The following RPS8 variants were observed in gnomAD, a reference collection of about 807,000 sequenced individuals.
RPS8 encodes ribosomal protein S8.
For missense variants in RPS8, 141 were observed against 269.7 expected, an observed-to-expected ratio of 0.52 and a Z score of 3.34; for synonymous variants, 100 against 100.7, an observed-to-expected ratio of 0.99 and a Z score of 0.04.
chr1:44,776,942 C>T (rs572840213), intron 3 of RPS8, 168 bp downstream of exon 3: 48 of 541,060 alleles, frequency 8.9e-5, no homozygotes, highest in African/African-American at 8.0e-4. Context: ...GGCAACAGAG[C>T]GAGACTCTCA....
Position 44,777,351 on chromosome 1 carries a change from G to C in RPS8, c.212-263G>C, listed in dbSNP as rs567058465. 3 of 428,602 alleles carry C rather than the reference G, an allele frequency of 7.0e-6. No individual in the cohort carries two copies. The South Asian group carries it at 8.3e-5, about 12-fold the overall frequency. 26.5% of individuals were successfully genotyped at this position (428,602 alleles called of 1,614,324 possible). A position where few individuals can be genotyped will look rare whatever the true frequency, so the allele number is the denominator to read the frequency against. ...CTCCCAAAGTGCTGGGGTTACGGGC[G>C]TGAGTCACCGTGCCCGACCTGCTCT... On this transcript the variant is annotated intron_variant, in intron 3 of 5. Transcript: ENST00000396651.
chr1:44,777,484 C>T, intron 3 of RPS8, 130 bp from the exon 4 acceptor site: 1 of 741,086 alleles, frequency 1.3e-6, no homozygotes, highest in Non-Finnish European at 2.3e-6. Context: ...GAACTGATGC[C>T]CCATGGCTTG....
In RPS8 at chr1:44,778,109, T is replaced by C; in HGVS notation, c.497T>C (p.Phe166Ser). ...ATCAGCAGTCTCCTGGAGGAGCAGT[T>C]CCAGCAGGGCAAGCTTCTTGGTGAG... is the stretch of plus-strand genomic sequence containing the variant. Reference protein sequence around the residue: ...AKISSLLEEQFQQGKLLACIA... With the variant: ...AKISSLLEEQSQQGKLLACIA... The change falls in exon 5 of 6, where the codon TTC becomes TCC. Residue 166 changes from phenylalanine to serine, a missense_variant. Phe to Ser is a radical substitution (Grantham distance 155). Transcript: ENST00000396651. 6.3e-7 allele frequency: 1 copy of C among 1,598,072 alleles called. No individual in the cohort carries two copies. Among genetic ancestry groups the C allele is most frequent in the Non-Finnish European group, 8.5e-7 (1 of 1,171,820 alleles).
At chr1:44,775,757 C>G in intron 1 of RPS8, 157 bp downstream of exon 1, 1 of 1,041,298 alleles carries the variant, frequency 9.6e-7, no homozygotes, top group East Asian at 2.4e-5. Context: ...CCCAGCCCGT[C>G]TCTGGGGGCT....
chr1:44,776,827 G>C (rs536807326), intron 3 of RPS8, 53 bp downstream of exon 3: 1 of 1,396,062 alleles, frequency 7.2e-7, no homozygotes, highest in African/African-American at 1.4e-5. Context: ...ACGGTCTTAA[G>C]ATTCACCAAG....
chr1:44,775,588 C>T lies in RPS8; in HGVS notation c.-9C>T, dbSNP rs747094560. The T allele has an allele frequency of 5.6e-6, 9 of 1,614,126 alleles. No individual in the cohort carries two copies. Among genetic ancestry groups the T allele is most frequent in the Admixed American group, 1.7e-5 (1 of 60,030 alleles). ...CTTTGCGGTTTCTCTTTCCAGCCAG[C>T]GCCGAGCGATGGGTGAGTGTCGCTC... On this transcript the variant is annotated 5_prime_UTR_variant, in exon 1 of 6. Coordinates refer to ENST00000396651, the MANE Select transcript of RPS8 (RefSeq NM_001012.2).
Position 44,776,082 on chromosome 1 carries a change from G to C in RPS8, c.53G>C (p.Arg18Thr). ...WHKRRKTGGK[R>T]KPYHKKRKYE... ...AAGCGCCGCAAAACCGGGGGCAAGA[G>C]AAAGCCCTACCACAAGAAGCGGAAG... The change falls in exon 2 of 6, where the codon AGA becomes ACA. Residue 18 changes from arginine (R) to threonine (T), a missense_variant. Physicochemically the swap from Arg to Thr is moderately conservative, Grantham distance 71. Transcript: ENST00000396651. The C allele has an allele frequency of 6.2e-7, 1 of 1,611,346 alleles. No individual in the cohort carries two copies. The highest frequency in any genetic ancestry group is 8.5e-7 in the Non-Finnish European group (1 of 1,179,328).
At chr1:44,776,421 A>C (rs1650854992) in intron 2 of RPS8, 2 of 747,962 alleles carry the variant, frequency 2.7e-6, no homozygotes, top group East Asian at 4.9e-5. Flanking sequence ...CATAGTCAGA[A>C]GCCTAGTCTT....
chr1:44,776,256 A>G, intron 2 of RPS8, 116 bp downstream of exon 2: 2 of 742,506 alleles, frequency 2.7e-6, no homozygotes, highest in Non-Finnish European at 4.5e-6. Context: ...ATTTCTCTGT[A>G]GTAGGGCCTG....
chr1:44,777,346 C>T (rs116652296), intron 3 of RPS8: 312 of 409,644 alleles, frequency 7.6e-4, no homozygotes, highest in African/African-American at 6.0e-3. Flanking sequence ...GCTGGGGTTA[C>T]GGGCGTGAGT....
rs1421787921 is a variant in RPS8, at chr1:44,777,989, C to A, written c.388-11C>A. 1 of 1,613,502 alleles carries A rather than the reference C, an allele frequency of 6.2e-7. No individual in the cohort carries two copies. Among genetic ancestry groups the A allele is most frequent in the Admixed American group, 1.7e-5 (1 of 59,936 alleles). On this transcript the variant is annotated splice_polypyrimidine_tract_variant and intron_variant, in intron 4 of 5. Transcript: ENST00000396651. ...CTTCCCTGAGCTCATATATTTGTAT[C>A]CCCTTTTCAGACTCCTGAGGAAGAA...
At position 44,778,322 on chromosome 1, in the gene RPS8, G is replaced by A. The variant is rs746312928; in HGVS notation, c.517+193G>A. ...CTGAAATGGGAAGCATTGGGTAGAA[G>A]AGTCTGCATAGGCCCGTGCTTGGAG... On this transcript the variant is annotated intron_variant, in intron 5 of 5. Transcript: ENST00000396651. 6.4e-5 allele frequency: 54 copies of A among 845,686 alleles called. 1 individual carries two copies. The highest frequency in any genetic ancestry group is 1.1e-4 in the Non-Finnish European group (52 of 482,550). The allele number at this position is 845,686 out of a possible 1,614,324, so 52.4% of individuals were successfully genotyped here.
rs748715739 is a variant in RPS8, at chr1:44,776,652, TC to T, written c.112-21del. On this transcript the variant is annotated intron_variant, in intron 2 of 5. Coordinates refer to ENST00000396651, the MANE Select transcript of RPS8 (RefSeq NM_001012.2). Reference sequence around the variant, plus strand: ...GCCTTGCTCTCCTTGGTAACCTAGTTCCTGTAACCTTGTGTTTTCCAGATTG... The same window carrying T: ...GCCTTGCTCTCCTTGGTAACCTAGTTCTGTAACCTTGTGTTTTCCAGATTG... 35 of 1,607,878 alleles carry T rather than the reference TC, an allele frequency of 2.2e-5. 1 individual carries two copies. In the South Asian group the frequency reaches 3.7e-4, roughly 17 times the overall value.
chr1:44,775,621 A>G (rs1398767099), intron 1 of RPS8, 21 bp downstream of exon 1: 1 of 1,613,962 alleles, frequency 6.2e-7, no homozygotes, highest in Non-Finnish European at 8.5e-7. Flanking sequence ...CTCTGCATTG[A>G]GGCGGGTGAA....
chr1:44,777,838 A>T (rs773928872), intron 4 of RPS8, 49 bp downstream of exon 4: 2 of 1,598,476 alleles, frequency 1.3e-6, no homozygotes, highest in East Asian at 4.5e-5. Flanking sequence ...GCCTGACTCC[A>T]GCCTTCTCGT....
chr1:44,776,664 G>C lies in RPS8; in HGVS notation c.112-11G>C. On this transcript the variant is annotated splice_polypyrimidine_tract_variant and intron_variant, in intron 2 of 5. Coordinates refer to ENST00000396651, the MANE Select transcript of RPS8 (RefSeq NM_001012.2). Reference sequence around the variant, plus strand: ...TTGGTAACCTAGTTCCTGTAACCTTGTGTTTTCCAGATTGGCCCCCGCCGC... The same window carrying C: ...TTGGTAACCTAGTTCCTGTAACCTTCTGTTTTCCAGATTGGCCCCCGCCGC... The C allele has an allele frequency of 2.5e-6, 4 of 1,612,750 alleles. No homozygotes were observed. The highest frequency in any genetic ancestry group is 3.4e-6 in the Non-Finnish European group (4 of 1,178,964).
intron 4 of RPS8, 83 bp from the exon 5 acceptor site, chr1:44,777,917 A>G: frequency 6.3e-7 from 1 of 1,579,218 alleles, no homozygotes; most frequent in Non-Finnish European, 8.7e-7. Context: ...GAGGAAGGCC[A>G]GCACTGGGGT....
chr1:44,778,297 C>G (rs1650931459), intron 5 of RPS8, 168 bp downstream of exon 5: 7 of 916,380 alleles, frequency 7.6e-6, no homozygotes, highest in Non-Finnish European at 1.3e-5. Flanking sequence ...TCGTATGAAG[C>G]TGAAATGGGA....
intron 3 of RPS8, 113 bp from the exon 4 acceptor site, chr1:44,777,501 C>G: frequency 1.2e-6 from 1 of 838,996 alleles, no homozygotes; most frequent in Non-Finnish European, 1.9e-6. Flanking sequence ...CTTGTAAAGG[C>G]TGAGAGTTCC....
Sources: allele counts gnomAD v4.1 joint callset, GRCh38; gene constraint gnomAD v4.1.1; transcripts MANE v1.5; gene names NCBI Gene and HGNC (gene_info 2026-07-23, HGNC 2026-07-21).